The following ABTB2 variants were observed in gnomAD, a reference collection of about 807,000 sequenced individuals.
The protein encoded by ABTB2 is ankyrin repeat and BTB/POZ domain-containing protein 2.
ABTB2 carries 56 observed loss-of-function variants against 104.1 expected under a neutral mutation model. The ratio of observed to expected loss-of-function variants is 0.54; its 90% confidence interval spans 0.43 to 0.67. The LOEUF is 0.67. Among genes scored for constraint, ABTB2 ranks in the 30% least tolerant of loss-of-function variants. ABTB2 has a pLI of 0.00. For synonymous variants in ABTB2, 606 were observed against 608.2 expected (o/e 1.00, Z 0.05); for missense variants, 1,279 against 1,407.7 (o/e 0.91, Z 1.46).
At chr11:34,205,338 TAAC>T (rs1215691187) in intron 1 of ABTB2, among the ~76,000 whole-genome samples, 1 of 152,236 alleles carries the variant, frequency 6.6e-6, no homozygotes, top group Non-Finnish European at 1.5e-5. Context: ...TGTTTTTCAT[TAAC>T]ACTTCAACAG....
intron 1 of ABTB2, among the ~76,000 whole-genome samples, chr11:34,302,711 A>T (rs983372208): frequency 6.6e-5 from 10 of 152,190 alleles, no homozygotes; most frequent in African/African-American, 2.4e-4. Flanking sequence ...AAGGCTAAGG[A>T]GCCTCACTCC....
At chr11:34,195,767 T>C (rs1171023555) in intron 3 of ABTB2, among the ~76,000 whole-genome samples, 1 of 152,196 alleles carries the variant, frequency 6.6e-6, no homozygotes, top group Non-Finnish European at 1.5e-5. Context: ...CTCAGCACAG[T>C]GCCTAGCACA....
chr11:34,162,729 C>T lies in ABTB2; in HGVS notation c.2065G>A (p.Glu689Lys), dbSNP rs780755218. The T allele has an allele frequency of 1.1e-5, 17 of 1,611,564 alleles. No individual in the cohort carries two copies. The highest frequency in any genetic ancestry group is 2.2e-5 in the South Asian group (2 of 91,088). The change falls in exon 10 of 17, where the codon GAG becomes AAG. Residue 689 changes from glutamate to lysine, a missense_variant. Transcript: ENST00000435224. The stretch of plus-strand genomic sequence containing the variant: ...GACGCATCACTTTCCTCCACACCCT[C>T]GGCCAGGATCTCCTCCAGGGACAGC... ...DVLSLEEILA[E>K]GVEESDASSQ... is the part of the protein sequence containing the mutation.
intron 1 of ABTB2, among the ~76,000 whole-genome samples, chr11:34,231,481 T>C (rs1049523033): frequency 2.6e-5 from 4 of 152,180 alleles, no homozygotes; most frequent in Admixed American, 6.5e-5. Flanking sequence ...GGAATAATAC[T>C]TGACAGTAGA....
intron 1 of ABTB2, among the ~76,000 whole-genome samples, chr11:34,237,276 CTTT>C (rs561473313): frequency 0.011 from 1,260 of 116,194 alleles, 20 homozygotes; most frequent in African/African-American, 0.039. Context: ...CCTGGATATT[CTTT>C]TTTTTTTTTT....
intron 6 of ABTB2, among the ~76,000 whole-genome samples, chr11:34,167,602 T>C (rs543102585): frequency 2.0e-5 from 3 of 152,032 alleles, no homozygotes; most frequent in Admixed American, 6.6e-5. Flanking sequence ...GCTAGAAGTA[T>C]TTGGGGATGG....
chr11:34,172,630 G>A (rs1230624357), intron 4 of ABTB2, among the ~76,000 whole-genome samples: 1 of 151,932 alleles, frequency 6.6e-6, no homozygotes, highest in South Asian at 2.1e-4. Context: ...ATCTGGGCAC[G>A]GTAAAGTGCT....
At chr11:34,197,245 G>A (rs1366915905) in intron 3 of ABTB2, 80 bp downstream of exon 3, 25 of 1,474,744 alleles carry the variant, frequency 1.7e-5, no homozygotes, top group South Asian at 5.7e-5. Context: ...TTGGTCAGTC[G>A]TCAGTCAGTG....
At chr11:34,181,076 T>C (rs1853019911) in intron 3 of ABTB2, among the ~76,000 whole-genome samples, 1 of 152,100 alleles carries the variant, frequency 6.6e-6, no homozygotes, top group Admixed American at 6.5e-5. Flanking sequence ...AGCAAATTTT[T>C]GTATTTTTAG....
chr11:34,166,303 G>A (rs2133010975), intron 7 of ABTB2, among the ~76,000 whole-genome samples: 1 of 152,378 alleles, frequency 6.6e-6, no homozygotes, highest in Non-Finnish European at 1.5e-5. Flanking sequence ...TGGAGATGCA[G>A]CAGTCAGAAA....
chr11:34,248,440 CAAACAAAA>C (rs1854012987), intron 1 of ABTB2, among the ~76,000 whole-genome samples: 1 of 151,868 alleles, frequency 6.6e-6, no homozygotes, highest in African/African-American at 2.4e-5. Context: ...AACAAACAAA[CAAACAAAA>C]AAAACCCTTC....
intron 1 of ABTB2, among the ~76,000 whole-genome samples, chr11:34,302,789 G>A (rs764980599): frequency 6.6e-6 from 1 of 152,204 alleles, no homozygotes; most frequent in Non-Finnish European, 1.5e-5. Context: ...CAAAGGCCCA[G>A]TCAGAAGGGA....
intron 6 of ABTB2, 25 bp downstream of exon 6, chr11:34,167,878 G>T (rs752664375): frequency 1.9e-6 from 3 of 1,612,344 alleles, no homozygotes; most frequent in Non-Finnish European, 2.5e-6. Flanking sequence ...TAGGGCCTGG[G>T]TGCAGCTCTG....
At chr11:34,318,157 C>T (rs753502063) in intron 1 of ABTB2, among the ~76,000 whole-genome samples, 1 of 152,198 alleles carries the variant, frequency 6.6e-6, no homozygotes, top group South Asian at 2.1e-4. Context: ...TTAGTAGAGA[C>T]AAGCTTTCGC....
At chr11:34,326,887 T>G (rs1272878203) in intron 1 of ABTB2, among the ~76,000 whole-genome samples, 1 of 152,132 alleles carries the variant, frequency 6.6e-6, no homozygotes, top group Non-Finnish European at 1.5e-5. Context: ...CTAGGCAACA[T>G]GGTGAAAGCC....
chr11:34,223,547 A>G (rs768696969), intron 1 of ABTB2, among the ~76,000 whole-genome samples: 2 of 152,098 alleles, frequency 1.3e-5, no homozygotes, highest in Non-Finnish European at 2.9e-5. Context: ...GACTGACCCT[A>G]TCTCTGCATG....
chr11:34,213,251 G>A (rs1389846488), intron 1 of ABTB2, among the ~76,000 whole-genome samples: 2 of 152,226 alleles, frequency 1.3e-5, no homozygotes, highest in African/African-American at 4.8e-5. Context: ...GCCAAGGCAG[G>A]TGGATCACTT....
intron 1 of ABTB2, among the ~76,000 whole-genome samples, chr11:34,250,337 T>C (rs779799815): frequency 6.6e-6 from 1 of 152,212 alleles, no homozygotes; most frequent in South Asian, 2.1e-4. Context: ...CTGCAATCTG[T>C]AGGGCCAGGG....
chr11:34,206,000 T>C (rs1317212183), intron 1 of ABTB2, among the ~76,000 whole-genome samples: 1 of 152,196 alleles, frequency 6.6e-6, no homozygotes, highest in Non-Finnish European at 1.5e-5. Flanking sequence ...CAAGTGCTGT[T>C]GCTATTATTT....
Sources: gnomAD v4.1 joint callset for allele counts (sites outside exome capture counted in the v4.1 genomes callset) on GRCh38, gnomAD v4.1.1 for gene constraint, MANE v1.5 for transcripts, NCBI Gene and HGNC (gene_info 2026-07-23, HGNC 2026-07-21) for gene names.